The following MSH4 variants were observed in gnomAD, a reference collection of about 807,000 sequenced individuals.
The protein encoded by MSH4 is mutS homolog 4, also known as mutS protein homolog 4.
In MSH4, 106 loss-of-function variants were observed where a neutral mutation model predicts 113.7. The ratio of observed to expected loss-of-function variants is 0.93; its 90% confidence interval spans 0.80 to 1.10. The LOEUF (loss-of-function observed/expected upper bound fraction) is 1.10, where lower values mean the gene tolerates loss of function less well. Among genes scored for constraint, MSH4 ranks in the 50% least tolerant of loss-of-function variants. MSH4 has a pLI of 0.00. For missense variants in MSH4, 1,061 were observed against 1,093.7 expected, an observed-to-expected ratio of 0.97 and a Z score of 0.42; for synonymous variants, 368 against 380.2, an observed-to-expected ratio of 0.97 and a Z score of 0.37.
chr1:75,886,712 A>G (rs577204236), intron 15 of MSH4, among the ~76,000 whole-genome samples: 8 of 132,544 alleles, frequency 6.0e-5, no homozygotes, highest in African/African-American at 1.8e-4. Flanking sequence ...AATATATTAT[A>G]TATAAATGTA....
intron 8 of MSH4, among the ~76,000 whole-genome samples, chr1:75,857,719 C>T (rs1452257809): frequency 6.6e-6 from 1 of 151,874 alleles, no homozygotes; most frequent in Non-Finnish European, 1.5e-5. Context: ...AGTCAGGTAC[C>T]GTGATGCTTT....
intron 7 of MSH4, among the ~76,000 whole-genome samples, chr1:75,836,944 A>T (rs931077429): frequency 6.6e-6 from 1 of 152,144 alleles, no homozygotes; most frequent in African/African-American, 2.4e-5. Flanking sequence ...TTTACATCTC[A>T]TGCCTAAATA....
At chr1:75,823,182 C>G (rs1037378755) in intron 7 of MSH4, among the ~76,000 whole-genome samples, 1 of 152,184 alleles carries the variant, frequency 6.6e-6, no homozygotes, top group African/African-American at 2.4e-5. Flanking sequence ...ATATGGTTTT[C>G]TCCCTGCGTG....
chr1:75,811,577 C>T (rs1010529709), intron 4 of MSH4, among the ~76,000 whole-genome samples: 9 of 152,082 alleles, frequency 5.9e-5, no homozygotes, highest in Admixed American at 2.0e-4. Context: ...TTTCAGCTTC[C>T]CCTGATAACA....
chr1:75,806,831 G>A (rs1054442603), intron 2 of MSH4, 150 bp from the exon 3 acceptor site: 21 of 656,108 alleles, frequency 3.2e-5, no homozygotes, highest in Non-Finnish European at 4.5e-5. Flanking sequence ...TGAACCAATA[G>A]ATCCTTTAGG....
intron 17 of MSH4, among the ~76,000 whole-genome samples, chr1:75,894,984 A>G (rs764075477): frequency 6.6e-6 from 1 of 152,136 alleles, no homozygotes; most frequent in Non-Finnish European, 1.5e-5. Flanking sequence ...TGGAAGTGGC[A>G]TCACTCACCA....
intron 8 of MSH4, among the ~76,000 whole-genome samples, chr1:75,853,758 A>G (rs1402522351): frequency 6.6e-6 from 1 of 151,930 alleles, no homozygotes; most frequent in African/African-American, 2.4e-5. Context: ...GCCTCTTCTA[A>G]TTTGCTTCTA....
rs890363382 is a variant in MSH4 at position 75,879,066 on chromosome 1, A to G, written c.1615A>G (p.Ile539Val). 6.2e-7 allele frequency: 1 copy of G among 1,611,506 alleles called. No individual in the cohort carries two copies. Among genetic ancestry groups the G allele is most frequent in the East Asian group, 2.2e-5 (1 of 44,790 alleles). Residue 539 changes from isoleucine to valine, a missense_variant, in exon 12 of 20, where the codon ATC becomes GTC. Ile to Val is a conservative substitution (Grantham distance 29, BLOSUM62 3). Transcript: ENST00000263187. ...TSFSSARGFF[I>V]QMTTDCIALP... The stretch of plus-strand genomic sequence containing the variant: ...TTTTAGCTCTGCTCGAGGATTTTTC[A>G]TCCAGATGACTACAGATTGTATAGC...
chr1:75,877,294 C>T (rs1037627051), intron 10 of MSH4, among the ~76,000 whole-genome samples: 1 of 151,942 alleles, frequency 6.6e-6, no homozygotes, highest in Non-Finnish European at 1.5e-5. Context: ...GAAAGACTTG[C>T]AAATAATAAA....
intron 18 of MSH4, among the ~76,000 whole-genome samples, chr1:75,898,364 C>G (rs978235553): frequency 6.6e-6 from 1 of 151,854 alleles, no homozygotes; most frequent in African/African-American, 2.4e-5. Context: ...TGTAATTTAT[C>G]TTATATTTGC....
intron 7 of MSH4, among the ~76,000 whole-genome samples, chr1:75,829,993 G>A (rs1650645800): frequency 6.6e-6 from 1 of 152,150 alleles, no homozygotes; most frequent in African/African-American, 2.4e-5. Flanking sequence ...ACTTCTCCAA[G>A]CTAAAGGAGG....
At chr1:75,889,401 A>C (rs1283304699) in intron 16 of MSH4, 32 bp downstream of exon 16, 2 of 977,930 alleles carry the variant, frequency 2.0e-6, no homozygotes, top group Non-Finnish European at 1.5e-6. Flanking sequence ...TATGTTAAAA[A>C]CATTAAATTC....
chr1:75,843,900 C>T (rs1011921059), intron 7 of MSH4, among the ~76,000 whole-genome samples: 2 of 152,090 alleles, frequency 1.3e-5, no homozygotes, highest in Non-Finnish European at 2.9e-5. Flanking sequence ...TAACCTCCGC[C>T]TCCCGGGTTC....
chr1:75,811,669 C>A (rs902496926), intron 4 of MSH4, among the ~76,000 whole-genome samples: 7 of 152,192 alleles, frequency 4.6e-5, no homozygotes, highest in African/African-American at 1.7e-4. Context: ...CCTTATCCAA[C>A]AAGAATGGGG....
chr1:75,812,587 G>A (rs574021509), intron 4 of MSH4, among the ~76,000 whole-genome samples: 172 of 152,186 alleles, frequency 1.1e-3, no homozygotes, highest in African/African-American at 3.8e-3. Flanking sequence ...CCAGCTACTC[G>A]GGAAGCTGAG....
chr1:75,881,939 T>G (rs566107852), intron 14 of MSH4, among the ~76,000 whole-genome samples: 1 of 152,202 alleles, frequency 6.6e-6, no homozygotes, highest in African/African-American at 2.4e-5. Flanking sequence ...CATACTCCAG[T>G]ATGCAAATTT....
intron 6 of MSH4, among the ~76,000 whole-genome samples, chr1:75,821,483 A>G (rs1443899265): frequency 6.6e-6 from 1 of 152,142 alleles, no homozygotes; most frequent in Non-Finnish European, 1.5e-5. Flanking sequence ...CCCTAACATC[A>G]CAATTAAAAG....
intron 9 of MSH4, among the ~76,000 whole-genome samples, chr1:75,874,403 C>T (rs967910058): frequency 1.3e-5 from 2 of 152,018 alleles, no homozygotes; most frequent in Non-Finnish European, 2.9e-5. Context: ...CATTGCACAC[C>T]GCACCCTTGA....
intron 19 of MSH4, among the ~76,000 whole-genome samples, chr1:75,906,594 T>G (rs2100596349): frequency 1.0e-5 from 1 of 99,216 alleles, no homozygotes; most frequent in Non-Finnish European, 1.9e-5. Flanking sequence ...TATTTTAATT[T>G]ATGATTTTCA....
Sources: gnomAD v4.1 joint callset for allele counts (sites outside exome capture counted in the v4.1 genomes callset) on GRCh38, gnomAD v4.1.1 for gene constraint, MANE v1.5 for transcripts, NCBI Gene and HGNC (gene_info 2026-07-23, HGNC 2026-07-21) for gene names.